The following MYLK variants were observed in gnomAD, a reference collection of about 807,000 sequenced individuals.
MYLK encodes myosin light chain kinase.
A neutral mutation model predicts 203.4 loss-of-function variants in MYLK; 106 were observed. The observed-to-expected ratio is 0.52, with a 90% CI of 0.45 to 0.61. MYLK has a LOEUF of 0.61. MYLK is among the 20% of genes least tolerant of loss of function. MYLK has a pLI of 0.00. For missense variants in MYLK, 2,072 were observed against 2,442.3 expected, an observed-to-expected ratio of 0.85 and a Z score of 3.20; for synonymous variants, 867 against 959.5, an observed-to-expected ratio of 0.90 and a Z score of 1.78.
intron 23 of MYLK, among the ~76,000 whole-genome samples, chr3:123,662,362 C>T (rs192085432): frequency 1.6e-3 from 237 of 152,154 alleles, no homozygotes; most frequent in Non-Finnish European, 2.0e-3. Context: ...CCTGTCCATC[C>T]TAGTCCTAAG....
At chr3:123,701,218 A>G (rs2061201757) in intron 17 of MYLK, among the ~76,000 whole-genome samples, 1 of 124,306 alleles carries the variant, frequency 8.0e-6, no homozygotes, top group African/African-American at 2.9e-5. Flanking sequence ...TGACTTCAGT[A>G]GCCTTATAAG....
chr3:123,814,244 C>T (rs536613647), intron 3 of MYLK: 355 of 215,258 alleles, frequency 1.6e-3, no homozygotes, highest in Non-Finnish European at 2.7e-3. Flanking sequence ...GTATCTTCCC[C>T]GGCCACATTC....
At chr3:123,820,196 G>A (rs890370668) in intron 3 of MYLK, among the ~76,000 whole-genome samples, 1 of 152,094 alleles carries the variant, frequency 6.6e-6, no homozygotes, top group Non-Finnish European at 1.5e-5. Context: ...TGTTGTAGTT[G>A]GGCAGAACAG....
rs113046889 is a variant in MYLK at position 123,612,803 on chromosome 3, A to C, written c.*1302T>G. 1.3e-5 allele frequency: 2 copies of C among 152,624 alleles called. No homozygotes were observed. The highest frequency in any genetic ancestry group is 4.1e-4 in the South Asian group (2 of 4,834). 9.5% of individuals were successfully genotyped at this position (152,624 alleles called of 1,614,324 possible). On this transcript the variant is annotated 3_prime_UTR_variant, in exon 34 of 34. Transcript: ENST00000360304. ...AAAATATTAAATTGTTGCACCTTAC[A>C]AACAGTGGAAAAGAAAAAAAAAGTA...
intron 3 of MYLK, among the ~76,000 whole-genome samples, chr3:123,828,420 G>A (rs1216821710): frequency 1.3e-5 from 2 of 151,990 alleles, no homozygotes; most frequent in African/African-American, 4.8e-5. Flanking sequence ...AATAAGACTA[G>A]ACCCCCCACC....
chr3:123,692,777 C>A lies in MYLK; in HGVS notation c.3523G>T (p.Asp1175Tyr). Reference protein sequence around the residue: ...RGLYKCVAKNDAGQAECSCQV... With the variant: ...RGLYKCVAKNYAGQAECSCQV... ...CAGGAGCACTCCGCCTGGCCAGCGT[C>A]ATTCTTGGCTACACACTTGTATAAG... The change falls in exon 19 of 34, where the codon GAC becomes TAC. Residue 1175 changes from aspartate to tyrosine, a missense_variant. Around this residue, in one of 3 missense-constraint regions of MYLK, gnomAD observed 865 missense variants for 1,016.0 expected, o/e 0.85. Coordinates refer to ENST00000360304, the MANE Select transcript of MYLK (RefSeq NM_053025.4). The A allele has an allele frequency of 2.5e-6, 4 of 1,614,068 alleles. No individual in the cohort carries two copies. The highest frequency in any genetic ancestry group is 3.4e-6 in the Non-Finnish European group (4 of 1,180,028).
At position 123,664,546 on chromosome 3, in the gene MYLK, C is replaced by G. The variant is rs190535399; in HGVS notation, c.3832-288G>C. Among the ~76,000 whole-genome samples the G allele has an allele frequency of 2.6e-3, 395 of 152,302 alleles. 5 individuals are homozygous for G. Among genetic ancestry groups the G allele is most frequent in the Non-Finnish European group, 2.8e-3 (193 of 68,032 alleles). On this transcript the variant is annotated intron_variant, in intron 22 of 33. Coordinates refer to ENST00000360304, the MANE Select transcript of MYLK (RefSeq NM_053025.4). ...TCACTGCTCCCAGAAATATCCTGGT[C>G]TCCCTCTACCTCTCTGGAATGGGAT...
At chr3:123,808,011 T>C (rs1232522388) in intron 3 of MYLK, among the ~76,000 whole-genome samples, 1 of 152,214 alleles carries the variant, frequency 6.6e-6, no homozygotes, top group Non-Finnish European at 1.5e-5. Context: ...TGAGAAACAA[T>C]GGCTTAGTGC....
intron 4 of MYLK, among the ~76,000 whole-genome samples, chr3:123,779,844 C>T (rs1263139063): frequency 6.6e-6 from 1 of 152,184 alleles, no homozygotes; most frequent in Non-Finnish European, 1.5e-5. Flanking sequence ...GAACACACTT[C>T]CTCATTCCCA....
Position 123,692,745 on chromosome 3 carries a change from G to A in MYLK, c.3555C>T (p.Val1185=). 6.2e-7 allele frequency: 1 copy of A among 1,613,598 alleles called. No individual in the cohort carries two copies. Residue 1185 remains valine (V), a synonymous_variant, in exon 19 of 34, where the codon GTC becomes GTT. Transcript: ENST00000360304. ...DAGQAECSCQ[V]TVDDAPASEN... is the part of the protein sequence containing the mutation. ...GTGGGCACGACCTACCATCCACGGT[G>A]ACTTGGCAGGAGCACTCCGCCTGGC...
intron 4 of MYLK, among the ~76,000 whole-genome samples, chr3:123,759,180 T>G (rs1337239129): frequency 6.6e-6 from 1 of 152,194 alleles, no homozygotes; most frequent in African/African-American, 2.4e-5. Flanking sequence ...ACCTTCCTTG[T>G]TCCCCCAAAT....
At chr3:123,730,785 T>G (rs758163068) in intron 11 of MYLK, among the ~76,000 whole-genome samples, 1 of 152,078 alleles carries the variant, frequency 6.6e-6, no homozygotes, top group Non-Finnish European at 1.5e-5. Flanking sequence ...AGCTAATGGG[T>G]AGGATTTTTT....
At chr3:123,793,867 C>G in intron 3 of MYLK, 23 bp from the exon 4 acceptor site, 1 of 1,613,912 alleles carries the variant, frequency 6.2e-7, no homozygotes, top group South Asian at 1.1e-5. Flanking sequence ...AGGAAGAGGA[C>G]AAGGTCAGAT....
At position 123,736,204 on chromosome 3, in the gene MYLK, G is replaced by A. The variant is rs2062668351; in HGVS notation, c.755-788C>T. Among the ~76,000 whole-genome samples, 4 of 152,282 alleles carry A rather than the reference G, an allele frequency of 2.6e-5. No homozygotes were observed. In the South Asian group the frequency reaches 8.3e-4, roughly 32 times the overall value. On this transcript the variant is annotated intron_variant, in intron 8 of 33. Transcript: ENST00000360304. ...AGAATACCAGCATGCACTGTACACA[G>A]TACGGTCAGGATGGTTTCCTGAAAC... is the stretch of plus-strand genomic sequence containing the variant.
At chr3:123,858,079 G>T (rs2031571806) in intron 2 of MYLK, among the ~76,000 whole-genome samples, 1 of 152,188 alleles carries the variant, frequency 6.6e-6, no homozygotes, top group South Asian at 2.1e-4. Context: ...GTGCCCTAAG[G>T]GTTGGTAGTT....
chr3:123,758,672 AAGCCC>A (rs1208678967), intron 4 of MYLK, among the ~76,000 whole-genome samples: 1 of 152,202 alleles, frequency 6.6e-6, no homozygotes, highest in East Asian at 1.9e-4. Context: ...GTTACAATTC[AAGCCC>A]TTCTGGACCG....
chr3:123,853,046 AC>A (rs2031001583), intron 2 of MYLK, among the ~76,000 whole-genome samples: 2 of 152,114 alleles, frequency 1.3e-5, no homozygotes, highest in Non-Finnish European at 2.9e-5. Context: ...TGCCTAGCAC[AC>A]CTTATCTTGT....
chr3:123,859,889 G>C (rs2031743293), intron 2 of MYLK, among the ~76,000 whole-genome samples: 1 of 150,160 alleles, frequency 6.7e-6, no homozygotes, highest in African/African-American at 2.5e-5. Context: ...TCCCCTTTAG[G>C]TAACAGATAC....
chr3:123,815,648 TG>T (rs2065724074), intron 3 of MYLK, among the ~76,000 whole-genome samples: 1 of 152,096 alleles, frequency 6.6e-6, no homozygotes, highest in Non-Finnish European at 1.5e-5. Flanking sequence ...ATCTATGACA[TG>T]GGTCCACAAG....
Sources: gnomAD v4.1 joint callset for allele counts (sites outside exome capture counted in the v4.1 genomes callset) on GRCh38, gnomAD v4.1.1 for gene constraint, gnomAD v4.1.1 regional missense constraint, MANE v1.5 for transcripts, NCBI Gene and HGNC (gene_info 2026-07-23, HGNC 2026-07-21) for gene names.